Variants in SRGAP1 observed in about 807,000 individuals in gnomAD.
The protein encoded by SRGAP1 is SLIT-ROBO Rho GTPase activating protein 1, also known as SLIT-ROBO Rho GTPase-activating protein 1.
SRGAP1 carries 43 observed loss-of-function variants against 121.9 expected under a neutral mutation model. The ratio of observed to expected loss-of-function variants is 0.35; its 90% CI spans 0.28 to 0.46. The LOEUF is 0.46. Among genes scored for constraint, SRGAP1 ranks in the 20% least tolerant of loss-of-function variants. The pLI is 1.00. For missense variants in SRGAP1, 1,102 were observed against 1,350.9 expected (o/e 0.82, Z 2.89); for synonymous variants, 447 against 485.4 (o/e 0.92, Z 1.04).
chr12:63,907,215 G>A (rs1409667048), intron 1 of SRGAP1, among the ~76,000 whole-genome samples: 1 of 152,158 alleles, frequency 6.6e-6, no homozygotes, highest in African/African-American at 2.4e-5. Context: ...CTACCTTGAA[G>A]AAACATATTC....
chr12:64,115,687 G>T, intron 17 of SRGAP1, 127 bp from the exon 18 acceptor site: 1 of 638,566 alleles, frequency 1.6e-6, no homozygotes, highest in Non-Finnish European at 2.7e-6. Context: ...CTTGAGCCTG[G>T]GAGGCAGAGG....
chr12:64,104,326 G>T (rs2136605462), intron 15 of SRGAP1, among the ~76,000 whole-genome samples: 1 of 152,338 alleles, frequency 6.6e-6, no homozygotes, highest in East Asian at 1.9e-4. Flanking sequence ...TGTGATCAAG[G>T]TTGGATGAAT....
chr12:64,016,451 C>T (rs896035216), intron 3 of SRGAP1, among the ~76,000 whole-genome samples: 6 of 152,072 alleles, frequency 3.9e-5, no homozygotes, highest in African/African-American at 1.2e-4. Flanking sequence ...CATGCCACCG[C>T]GCTGCAGCCT....
chr12:64,072,108 C>CTCTGTGTGTGTGTGTGTG (rs775247857), intron 8 of SRGAP1, among the ~76,000 whole-genome samples: 20 of 80,422 alleles, frequency 2.5e-4, no homozygotes, highest in African/African-American at 8.3e-4. Flanking sequence ...CAATCTCTCT[C>CTCTGTGTGTGTGTGTGTG]TGTGTGTGTG....
At chr12:64,083,365 A>G (rs2035881685) in intron 10 of SRGAP1, among the ~76,000 whole-genome samples, 1 of 152,214 alleles carries the variant, frequency 6.6e-6, no homozygotes, top group Admixed American at 6.5e-5. Context: ...TTGCTCGTAC[A>G]CAGCTGAATC....
chr12:63,997,844 A>C (rs1455349681), intron 3 of SRGAP1, among the ~76,000 whole-genome samples: 1 of 152,204 alleles, frequency 6.6e-6, no homozygotes, highest in Non-Finnish European at 1.5e-5. Flanking sequence ...GGAAGACATG[A>C]AATCAGAGGA....
At chr12:63,947,382 A>G (rs940047288) in intron 1 of SRGAP1, among the ~76,000 whole-genome samples, 1 of 152,106 alleles carries the variant, frequency 6.6e-6, no homozygotes, top group African/African-American at 2.4e-5. Context: ...TCCTAGCCCA[A>G]GTTTACTAAA....
At chr12:64,127,199 A>G (rs1361015191) in intron 19 of SRGAP1, among the ~76,000 whole-genome samples, 1 of 152,190 alleles carries the variant, frequency 6.6e-6, no homozygotes. Flanking sequence ...CATTTCTCAG[A>G]ACGTATCCTC....
At chr12:63,997,241 C>T (rs1027370751) in intron 3 of SRGAP1, among the ~76,000 whole-genome samples, 5 of 152,144 alleles carry the variant, frequency 3.3e-5, no homozygotes, top group Admixed American at 6.6e-5. Context: ...TATGGGACCA[C>T]CGTCATTGAG....
chr12:64,033,926 A>T (rs567424983), intron 4 of SRGAP1, among the ~76,000 whole-genome samples: 1 of 152,154 alleles, frequency 6.6e-6, no homozygotes, highest in Non-Finnish European at 1.5e-5. Flanking sequence ...AGGCTGAGGC[A>T]GGAGAATTGC....
At chr12:63,846,678 A>G (rs1223585061) in intron 1 of SRGAP1, among the ~76,000 whole-genome samples, 1 of 151,872 alleles carries the variant, frequency 6.6e-6, no homozygotes. Flanking sequence ...CCTTCCACAC[A>G]CCCACGAGTC....
intron 16 of SRGAP1, 169 bp downstream of exon 16, chr12:64,109,206 C>T: frequency 5.0e-6 from 2 of 398,130 alleles, no homozygotes; most frequent in Non-Finnish European, 8.9e-6. Context: ...AGATCAACAT[C>T]ATTGATAGAT....
intron 1 of SRGAP1, among the ~76,000 whole-genome samples, chr12:63,866,900 ACT>A (rs1407322402): frequency 2.0e-5 from 3 of 149,884 alleles, no homozygotes; most frequent in African/African-American, 7.4e-5. Context: ...ACAGGCTCTC[ACT>A]CTGTCACCCA....
intron 2 of SRGAP1, among the ~76,000 whole-genome samples, chr12:63,985,564 A>C (rs902843501): frequency 6.6e-6 from 1 of 152,204 alleles, no homozygotes; most frequent in Admixed American, 6.5e-5. Flanking sequence ...GTCTATCTGA[A>C]AACTCTCAGA....
chr12:64,051,934 C>T (rs1327115968), intron 6 of SRGAP1, among the ~76,000 whole-genome samples: 2 of 152,092 alleles, frequency 1.3e-5, no homozygotes, highest in African/African-American at 4.8e-5. Flanking sequence ...AATGAATGAA[C>T]ATTATGATGA....
chr12:64,003,715 A>C (rs1445329511), intron 3 of SRGAP1, among the ~76,000 whole-genome samples: 4 of 152,094 alleles, frequency 2.6e-5, no homozygotes, highest in Admixed American at 2.0e-4. Context: ...ATGATACCCA[A>C]ATGTCTAACA....
intron 1 of SRGAP1, among the ~76,000 whole-genome samples, chr12:63,900,421 G>T: frequency 6.6e-6 from 1 of 151,646 alleles, no homozygotes; most frequent in Non-Finnish European, 1.5e-5. Flanking sequence ...TAGCCAGATA[G>T]TATCAATCTC....
intron 21 of SRGAP1, 116 bp downstream of exon 21, chr12:64,128,316 C>A: frequency 3.8e-6 from 4 of 1,052,432 alleles, no homozygotes; most frequent in South Asian, 1.9e-5. Context: ...TGTATAGAAC[C>A]AACTAAAGAA....
intron 21 of SRGAP1, among the ~76,000 whole-genome samples, chr12:64,128,921 AC>A (rs1487426301): frequency 6.6e-6 from 1 of 152,070 alleles, no homozygotes; most frequent in Admixed American, 6.6e-5. Flanking sequence ...CCATCATTCT[AC>A]CATTTTTCCC....
Sources: allele counts gnomAD v4.1 joint callset (sites outside exome capture counted in the v4.1 genomes callset), GRCh38; gene constraint gnomAD v4.1.1; transcripts MANE v1.5; gene names NCBI Gene and HGNC (gene_info 2026-07-23, HGNC 2026-07-21).